BYSL: variants seen among roughly 807,000 people sequenced by gnomAD.
The protein encoded by BYSL is bystin like, also known as bystin.
A neutral mutation model predicts 45.4 loss-of-function variants in BYSL; 21 were observed. The ratio of observed to expected loss-of-function variants is 0.46; its 90% confidence interval spans 0.33 to 0.67. The LOEUF (loss-of-function observed/expected upper bound fraction) is 0.67. Ranked by LOEUF, BYSL falls within the 30% of genes least tolerant of loss-of-function variation. The pLI is 0.02. For missense variants in BYSL, 522 were observed against 578.5 expected (o/e 0.90, Z 1.00); for synonymous variants, 215 against 231.3 (o/e 0.93, Z 0.64).
chr6:41,917,128 G>A (rs1438353388), upstream of BYSL, among the ~76,000 whole-genome samples: 5 of 152,070 alleles, frequency 3.3e-5, no homozygotes, highest in African/African-American at 4.8e-5. Flanking sequence ...TTGGCCAGGC[G>A]TGGTGGCTCA....
At chr6:41,930,902 A>G (rs1302461384) in intron 4 of BYSL, 134 bp downstream of exon 4, 1 of 1,268,860 alleles carries the variant, frequency 7.9e-7, no homozygotes, top group Non-Finnish European at 1.0e-6. Context: ...ACTTTATAGC[A>G]TCATTTTTCT....
chr6:41,919,298 G>A (rs1775399154), upstream of BYSL, among the ~76,000 whole-genome samples: 1 of 152,132 alleles, frequency 6.6e-6, no homozygotes, highest in African/African-American at 2.4e-5. Context: ...GTATAAGGAT[G>A]TAGTGCCTGT....
Position 41,932,748 on chromosome 6 carries a change from C to T in BYSL, c.*42C>T. The T allele has an allele frequency of 1.3e-6, 2 of 1,556,280 alleles. No individual in the cohort carries two copies. Among genetic ancestry groups the T allele is most frequent in the South Asian group, 1.2e-5 (1 of 82,902 alleles). ...TCCTGGCCAAAGGGGTTTGGAAGGA[C>T]ACCAAGACCCCCGTTGGTGACTGAA... On this transcript the variant is annotated 3_prime_UTR_variant, in exon 7 of 7. Coordinates refer to ENST00000230340, the MANE Select transcript of BYSL (RefSeq NM_004053.4). The surrounding 1 kb of genome is among the most constrained non-coding windows in gnomAD (Gnocchi z 4.7).
At chr6:41,921,082 A>G (rs534207954), upstream of BYSL, 130 of 1,600,196 alleles carry the variant, frequency 8.1e-5, no homozygotes, top group East Asian at 1.6e-3. Context: ...GTCCGCCCAC[A>G]GAAACTCCTT....
chr6:41,931,174 G>A (rs79546082), intron 4 of BYSL, among the ~76,000 whole-genome samples: 1,655 of 91,460 alleles, frequency 0.018, 28 homozygotes, highest in African/African-American at 0.068. Context: ...CTCTCCCACA[G>A]ACAAACGGTG....
In BYSL at chr6:41,930,173, A is replaced by G. The variant is rs1370391255; in HGVS notation, c.473A>G (p.Lys158Arg). The stretch of plus-strand genomic sequence containing the variant: ...ATCATCATGGAGAAGCTGACTGAGA[A>G]GCAGACAGAGGTTGAGACAGTCATG... ...ADIIMEKLTE[K>R]QTEVETVMSE... The change falls in exon 3 of 7, where the codon AAG becomes AGG. Residue 158 changes from lysine to arginine, a missense_variant. Coordinates refer to ENST00000230340, the MANE Select transcript of BYSL (RefSeq NM_004053.4). The G allele has an allele frequency of 6.2e-7, 1 of 1,614,134 alleles. No homozygotes were observed. Among genetic ancestry groups the G allele is most frequent in the East Asian group, 2.2e-5 (1 of 44,880 alleles).
chr6:41,932,712 ACAGT>A lies in BYSL; in HGVS notation c.*10_*13del, dbSNP rs771892829. 2 of 1,600,380 alleles carry A rather than the reference ACAGT, an allele frequency of 1.2e-6. No individual in the cohort carries two copies. Among genetic ancestry groups the A allele is most frequent in the Non-Finnish European group, 1.7e-6 (2 of 1,170,686 alleles). ...TTCCCATCACCGTGGAGTGAGGAAA[ACAGT>A]CAGCTGTCCTGGCCAAAGGGGTTTG... On this transcript the variant is annotated 3_prime_UTR_variant, in exon 7 of 7. Coordinates refer to ENST00000230340, the MANE Select transcript of BYSL (RefSeq NM_004053.4). This position sits in a 1 kb window ranked among gnomAD's most constrained non-coding sequence, Gnocchi z 4.7.
At chr6:41,919,796 C>T (rs1196828475), upstream of BYSL, among the ~76,000 whole-genome samples, 3 of 152,178 alleles carry the variant, frequency 2.0e-5, no homozygotes, top group Admixed American at 2.0e-4. Flanking sequence ...AGCAAGGGTT[C>T]CAGGGTTCTA....
intron 2 of BYSL, among the ~76,000 whole-genome samples, chr6:41,928,808 C>T (rs1411709201): frequency 1.3e-5 from 2 of 152,180 alleles, no homozygotes; most frequent in Non-Finnish European, 1.5e-5. Flanking sequence ...GAGTTATTAA[C>T]CTGAGGCCCA....
At chr6:41,909,694 G>A in the BYSL span, among the ~76,000 whole-genome samples, 6 of 152,240 alleles carry the variant, frequency 3.9e-5, no homozygotes, top group Admixed American at 1.3e-4. Flanking sequence ...TAGAAAGGTA[G>A]GGGGAAATAG....
chr6:41,912,965 C>T, the BYSL span: 1 of 151,952 alleles, frequency 6.6e-6, no homozygotes, highest in Non-Finnish European at 1.5e-5. Context: ...AAAAAGTTAG[C>T]CAGGTATAGT....
At chr6:41,928,557 G>C (rs1012965487) in intron 2 of BYSL, among the ~76,000 whole-genome samples, 1 of 152,170 alleles carries the variant, frequency 6.6e-6, no homozygotes, top group Non-Finnish European at 1.5e-5. Context: ...TTAGCAGAAT[G>C]CTTTTCCAGC....
At chr6:41,921,301 G>T, upstream of BYSL, 1 of 602,694 alleles carries the variant, frequency 1.7e-6, no homozygotes, top group Non-Finnish European at 2.9e-6. Flanking sequence ...CATCCATGAA[G>T]CTAGGAGAGC....
Position 41,931,524 on chromosome 6 carries a change from A to G in BYSL, c.833A>G (p.Lys278Arg), listed in dbSNP as rs1332674881. ...LNFHLYMALK[K>R]ALFKPGAWFK... ...TTCCATCTCTACATGGCTCTCAAGA[A>G]GGCCCTTTTCAAACCTGGAGCCTGG... The change falls in exon 5 of 7, where the codon AAG becomes AGG. Residue 278 changes from lysine (K) to arginine (R), a missense_variant. By Grantham distance (26) the Lys-to-Arg change is conservative. Coordinates refer to ENST00000230340, the MANE Select transcript of BYSL (RefSeq NM_004053.4). 3 of 1,614,108 alleles carry G rather than the reference A, an allele frequency of 1.9e-6. No homozygotes were observed. Among genetic ancestry groups the G allele is most frequent in the Admixed American group, 1.7e-5 (1 of 60,008 alleles).
chr6:41,921,908 G>A, intron 1 of BYSL, 78 bp downstream of exon 1: 4 of 1,496,514 alleles, frequency 2.7e-6, no homozygotes, highest in South Asian at 2.6e-5. Flanking sequence ...GTGTCTGGCA[G>A]GGGAATTGCT....
chr6:41,931,948 G>A (rs1466130370), intron 6 of BYSL, 118 bp downstream of exon 6: 8 of 1,004,754 alleles, frequency 8.0e-6, no homozygotes, highest in Middle Eastern at 4.2e-4. Flanking sequence ...GTTTGTGCTT[G>A]TTTAAGCCAA....
chr6:41,931,375 C>A, intron 4 of BYSL, 21 bp from the exon 5 acceptor site: 1 of 1,613,646 alleles, frequency 6.2e-7, no homozygotes, highest in South Asian at 1.1e-5. Context: ...TTGGAAACTT[C>A]CCCCGCTTAA....
chr6:41,913,886 A>G, the BYSL span, among the ~76,000 whole-genome samples: 11 of 152,152 alleles, frequency 7.2e-5, no homozygotes, highest in Non-Finnish European at 1.3e-4. Context: ...CAACAAGAAC[A>G]AAACTCCGTC....
upstream of BYSL, chr6:41,917,716 A>G: frequency 2.1e-6 from 1 of 467,646 alleles, no homozygotes. Flanking sequence ...CATATAATGA[A>G]AAAGGGATTC....
Sources: gnomAD v4.1 joint callset for allele counts (sites outside exome capture counted in the v4.1 genomes callset) on GRCh38, gnomAD v4.1.1 for gene constraint, Gnocchi (gnomAD v3.1) non-coding constraint, MANE v1.5 for transcripts, NCBI Gene and HGNC (gene_info 2026-07-23, HGNC 2026-07-21) for gene names.